The following DNAH9 variants were observed in gnomAD, a reference collection of about 807,000 sequenced individuals.
DNAH9 encodes dynein axonemal heavy chain 9, also known as DNAH9 variant protein.
DNAH9 carries 345 observed loss-of-function variants against 471.6 expected under a neutral mutation model. That is an observed-to-expected ratio of 0.73 (90% CI 0.67 to 0.80). DNAH9 has a LOEUF of 0.80. Ranked by LOEUF, DNAH9 falls within the 30% of genes least tolerant of loss-of-function variation. The pLI, the probability that DNAH9 is intolerant of heterozygous loss-of-function variation, is 0.00. For synonymous variants in DNAH9, 2,093 were observed against 2,123.6 expected (o/e 0.99, Z 0.40); for missense variants, 5,407 against 5,609.2 (o/e 0.96, Z 1.15).
At chr17:11,619,886 CCCT>C in intron 6 of DNAH9, 105 bp downstream of exon 6, 1 of 681,994 alleles carries the variant, frequency 1.5e-6, no homozygotes, top group East Asian at 2.6e-5. Flanking sequence ...TCATAGCCAA[CCCT>C]CCATCAGCTG....
At chr17:11,731,770 G>A (rs902871905) in intron 28 of DNAH9, among the ~76,000 whole-genome samples, 14 of 152,108 alleles carry the variant, frequency 9.2e-5, no homozygotes, top group Middle Eastern at 3.4e-3. Context: ...TGGTGTATAT[G>A]TGCCACATTT....
intron 24 of DNAH9, 103 bp downstream of exon 24, chr17:11,701,350 T>C: frequency 7.6e-7 from 1 of 1,312,002 alleles, no homozygotes; most frequent in Non-Finnish European, 1.1e-6. Context: ...GGCTGCATGC[T>C]TCACAGCCAG....
intron 32 of DNAH9, among the ~76,000 whole-genome samples, chr17:11,748,147 A>C (rs1388603926): frequency 5.3e-5 from 4 of 76,010 alleles, no homozygotes; most frequent in South Asian, 1.3e-3. Context: ...TACTAAAAAT[A>C]CAAAAAAAAA....
At chr17:11,670,590 T>C (rs1028242247) in intron 17 of DNAH9, among the ~76,000 whole-genome samples, 1 of 152,172 alleles carries the variant, frequency 6.6e-6, no homozygotes, top group African/African-American at 2.4e-5. Flanking sequence ...TCTGGAGCCA[T>C]AGGCAGAAAG....
At chr17:11,834,604 A>G (rs1424858891) in intron 48 of DNAH9, 34 bp from the exon 49 acceptor site, 1 of 1,611,492 alleles carries the variant, frequency 6.2e-7, no homozygotes, top group Admixed American at 1.7e-5. Flanking sequence ...CTCCAGTCAC[A>G]ACTCCTGATA....
At chr17:11,969,256 T>C (rs754266869) in intron 68 of DNAH9, 44 bp from the exon 69 acceptor site, 10 of 1,572,854 alleles carry the variant, frequency 6.4e-6, no homozygotes, top group Non-Finnish European at 8.7e-6. Flanking sequence ...TTGGCTGGGC[T>C]CTGGGTCTGA....
At chr17:11,822,766 A>T (rs1567826763) in intron 47 of DNAH9, 35 bp from the exon 48 acceptor site, 8 of 1,611,092 alleles carry the variant, frequency 5.0e-6, no homozygotes, top group Admixed American at 1.7e-5. Flanking sequence ...CTTCAACACA[A>T]GATAATCTTT....
intron 35 of DNAH9, 56 bp downstream of exon 35, chr17:11,757,748 G>A (rs1424119140): frequency 7.6e-6 from 12 of 1,569,090 alleles, no homozygotes; most frequent in African/African-American, 1.4e-5. Flanking sequence ...AAGCCCATGG[G>A]TTCACACCTA....
intron 6 of DNAH9, among the ~76,000 whole-genome samples, chr17:11,620,747 G>T (rs1466282607): frequency 6.6e-6 from 1 of 151,996 alleles, no homozygotes; most frequent in Non-Finnish European, 1.5e-5. Context: ...ACCTTGGCTG[G>T]GCTATAACCA....
chr17:11,704,133 C>T, intron 24 of DNAH9, 70 bp from the exon 25 acceptor site: 1 of 1,572,312 alleles, frequency 6.4e-7, no homozygotes, highest in Non-Finnish European at 8.7e-7. Flanking sequence ...TGAGCCCTTG[C>T]TGTGTGATGA....
At chr17:11,771,965 A>G (rs1456946928) in intron 38 of DNAH9, among the ~76,000 whole-genome samples, 1 of 152,204 alleles carries the variant, frequency 6.6e-6, no homozygotes, top group African/African-American at 2.4e-5. Flanking sequence ...TAAGGCACAG[A>G]GAAGTTAAAC....
chr17:11,618,168 T>C (rs995383481), intron 5 of DNAH9, among the ~76,000 whole-genome samples: 3 of 152,238 alleles, frequency 2.0e-5, no homozygotes, highest in Admixed American at 6.5e-5. Flanking sequence ...CTGCACATGG[T>C]AAGAACCTGG....
chr17:11,921,055 C>T (rs1226293516), intron 61 of DNAH9, among the ~76,000 whole-genome samples: 1 of 151,840 alleles, frequency 6.6e-6, no homozygotes, highest in Non-Finnish European at 1.5e-5. Flanking sequence ...GCAGGAGGAT[C>T]GCTTGAATCT....
intron 41 of DNAH9, among the ~76,000 whole-genome samples, chr17:11,789,012 A>G (rs550964269): frequency 4.6e-5 from 7 of 152,002 alleles, no homozygotes; most frequent in African/African-American, 1.7e-4. Flanking sequence ...TTTCTCTTCT[A>G]TTCTGGTAAT....
chr17:11,669,991 T>A (rs1353638809), intron 17 of DNAH9, among the ~76,000 whole-genome samples, 197 bp downstream of exon 17: 1 of 152,186 alleles, frequency 6.6e-6, no homozygotes, highest in African/African-American at 2.4e-5. Flanking sequence ...ATAAGGCCTC[T>A]TTGTTTTGTT....
Position 11,720,347 on chromosome 17 carries a change from C to T in DNAH9, c.5709+857C>T, listed in dbSNP as rs368343402. Among the ~76,000 whole-genome samples the T allele has an allele frequency of 2.7e-4, 41 of 152,136 alleles. 1 individual carries two copies. The East Asian group carries it at 3.3e-3, about 12-fold the overall frequency. ...ATGTGCCATGTTGGTGTGCTGCACC[C>T]ATTAACTCATCATTTATATTAGTTG... On this transcript the variant is annotated intron_variant, in intron 27 of 68. Coordinates refer to ENST00000262442, the MANE Select transcript of DNAH9 (RefSeq NM_001372.4).
At chr17:11,899,416 A>C (rs1973331118) in intron 59 of DNAH9, among the ~76,000 whole-genome samples, 1 of 152,194 alleles carries the variant, frequency 6.6e-6, no homozygotes, top group Non-Finnish European at 1.5e-5. Context: ...TAGCCTTTGA[A>C]AAGGCCCCTT....
intron 67 of DNAH9, among the ~76,000 whole-genome samples, chr17:11,956,805 G>A (rs1410456520): frequency 1.3e-5 from 2 of 151,852 alleles, no homozygotes; most frequent in African/African-American, 4.8e-5. Context: ...TGTATAGCAT[G>A]AGATGCGAAT....
At chr17:11,952,441 G>A (rs889930940) in intron 67 of DNAH9, among the ~76,000 whole-genome samples, 1 of 148,254 alleles carries the variant, frequency 6.7e-6, no homozygotes. Context: ...TAATAGGCAT[G>A]AGCCACTGTG....
Sources: gnomAD v4.1 joint callset for allele counts (sites outside exome capture counted in the v4.1 genomes callset) on GRCh38, gnomAD v4.1.1 for gene constraint, MANE v1.5 for transcripts, NCBI Gene and HGNC (gene_info 2026-07-23, HGNC 2026-07-21) for gene names.